Variants in UCP3 observed in about 807,000 individuals in gnomAD.
The protein encoded by UCP3 is uncoupling protein 3, also known as putative mitochondrial transporter UCP3.
In UCP3, 24 loss-of-function variants were observed where a neutral mutation model predicts 28.1. The ratio of observed to expected loss-of-function variants is 0.85; its 90% CI spans 0.62 to 1.20. The LOEUF is 1.20. UCP3 is among the 50% of genes most tolerant of loss of function. The pLI is 0.00. For missense variants in UCP3, 397 were observed against 422.2 expected, an observed-to-expected ratio of 0.94 and a Z score of 0.52; for synonymous variants, 184 against 171.2, an observed-to-expected ratio of 1.07 and a Z score of -0.59.
At chr11:74,005,309 G>A (rs1951654401) in intron 4 of UCP3, among the ~76,000 whole-genome samples, 2 of 152,050 alleles carry the variant, frequency 1.3e-5, no homozygotes, top group South Asian at 2.1e-4. Context: ...CTGCTTGAGG[G>A]CCCCTCCCCT....
intron 4 of UCP3, 82 bp downstream of exon 4, chr11:74,005,648 C>T: frequency 6.7e-7 from 1 of 1,501,032 alleles, no homozygotes. Flanking sequence ...CTGGGAGTCC[C>T]CTCCTTACTG....
rs1253614797 is a variant in UCP3 at position 74,006,320 on chromosome 11, C to G, written c.186G>C (p.Leu62=). Reference sequence around the variant, plus strand: ...TCCGCACCATGGTCAGGATGGTGCCCAGCACGCCACGGTACTGCACGAGCC... The same window carrying G: ...TCCGCACCATGGTCAGGATGGTGCCGAGCACGCCACGGTACTGCACGAGCC... ...TARLVQYRGV[L]GTILTMVRTE... is the part of the protein sequence containing the mutation. Residue 62 remains leucine, a synonymous_variant, in exon 3 of 7, where the codon CTG becomes CTC. Coordinates refer to ENST00000314032, the MANE Select transcript of UCP3 (RefSeq NM_003356.4). 7 of 1,606,862 alleles carry G rather than the reference C, an allele frequency of 4.4e-6. No individual in the cohort carries two copies. The highest frequency in any genetic ancestry group is 1.7e-5 in the Admixed American group (1 of 59,728).
At chr11:74,008,194 C>T (rs562058775) in intron 1 of UCP3, among the ~76,000 whole-genome samples, 2 of 152,178 alleles carry the variant, frequency 1.3e-5, no homozygotes, top group Non-Finnish European at 2.9e-5. Flanking sequence ...TTGGTGCCCA[C>T]GTTTGTCTGA....
intron 4 of UCP3, among the ~76,000 whole-genome samples, chr11:74,005,414 G>A (rs1160546998): frequency 6.6e-6 from 1 of 152,112 alleles, no homozygotes; most frequent in Non-Finnish European, 1.5e-5. Flanking sequence ...CCACCTCTGG[G>A]GCAACCCCTA....
Position 74,003,581 on chromosome 11 carries a change from T to C in UCP3, c.824+246A>G, listed in dbSNP as rs568114002. The C allele has an allele frequency of 2.4e-6, 3 of 1,237,756 alleles. No homozygotes were observed. In the South Asian group the frequency reaches 7.2e-5, roughly 30 times the overall value. 76.7% of individuals were successfully genotyped at this position (1,237,756 alleles called of 1,614,324 possible). A position where few individuals can be genotyped will look rare whatever the true frequency, so the allele number is the denominator to read the frequency against. ...AGGTCTCAGGATTGCTAACTTCCTCTGGAGACAGGCAGTACTTTTACCTAT... is the reference window on the plus strand; with the variant it reads ...AGGTCTCAGGATTGCTAACTTCCTCCGGAGACAGGCAGTACTTTTACCTAT... On this transcript the variant is annotated intron_variant, in intron 6 of 6. Coordinates refer to ENST00000314032, the MANE Select transcript of UCP3 (RefSeq NM_003356.4).
At chr11:74,005,694 T>G in intron 4 of UCP3, 36 bp downstream of exon 4, 3 of 1,612,236 alleles carry the variant, frequency 1.9e-6, no homozygotes, top group Non-Finnish European at 2.5e-6. Context: ...GGGAAAGCTC[T>G]GCCTAAGACC....
chr11:74,000,369 T>C lies in UCP3; in HGVS notation c.*1043A>G, dbSNP rs1191891723. 6.7e-6 allele frequency: 1 copy of C among 148,870 alleles called. No homozygotes were observed. Among genetic ancestry groups the C allele is most frequent in the Non-Finnish European group, 1.5e-5 (1 of 67,148 alleles). The allele number at this position is 148,870 out of a possible 1,614,324, so 9.2% of individuals were successfully genotyped here. A position where few individuals can be genotyped will look rare whatever the true frequency, so the allele number is the denominator to read the frequency against. On this transcript the variant is annotated 3_prime_UTR_variant, in exon 7 of 7. Coordinates refer to ENST00000314032, the MANE Select transcript of UCP3 (RefSeq NM_003356.4). Reference sequence around the variant, plus strand: ...TCCGAGTCCTGCTACTTTAGGTTCTTGCCCAGGAATCCACCTCTTTTCCCC... The same window carrying C: ...TCCGAGTCCTGCTACTTTAGGTTCTCGCCCAGGAATCCACCTCTTTTCCCC...
At chr11:74,004,974 C>G (rs997356618) in intron 4 of UCP3, among the ~76,000 whole-genome samples, 3 of 152,222 alleles carry the variant, frequency 2.0e-5, no homozygotes, top group Admixed American at 6.5e-5. Context: ...GTGGTGCCAG[C>G]AGGGCCCTAG....
At chr11:74,002,699 G>GT in intron 6 of UCP3, 1 of 960,196 alleles carries the variant, frequency 1.0e-6, no homozygotes, top group Non-Finnish European at 1.2e-6. Context: ...AGTGAAAGCA[G>GT]TAACTGAGAC....
intron 1 of UCP3, among the ~76,000 whole-genome samples, 173 bp downstream of exon 1, chr11:74,008,805 C>T (rs1294476355): frequency 6.6e-6 from 1 of 152,200 alleles, no homozygotes; most frequent in Non-Finnish European, 1.5e-5. Flanking sequence ...ATCAAGGCCA[C>T]AGCTCCCTTT....
At chr11:74,006,453 G>GGGGCTGGGCCTGCCT (rs1246730995) in intron 2 of UCP3, 74 bp from the exon 3 acceptor site, 9 of 1,421,330 alleles carry the variant, frequency 6.3e-6, no homozygotes, top group South Asian at 2.9e-5. Flanking sequence ...GAACCCTGCT[G>GGGGCTGGGCCTGCCT]GGGCTGGGCC....
chr11:74,001,719 G>T, intron 6 of UCP3, 193 bp from the exon 7 acceptor site: 1 of 577,610 alleles, frequency 1.7e-6, no homozygotes. Context: ...GTCGGAGTAA[G>T]GAAAAGAAAA....
chr11:74,006,411 G>C (rs1406820134), intron 2 of UCP3, 32 bp from the exon 3 acceptor site: 1 of 1,507,126 alleles, frequency 6.6e-7, no homozygotes, highest in East Asian at 2.3e-5. Flanking sequence ...TGAGGACTCA[G>C]ATGGGAAGGC....
Position 74,006,005 on chromosome 11 carries a change from G to A in UCP3, c.338-72C>T, listed in dbSNP as rs557376645. The A allele has an allele frequency of 1.8e-5, 28 of 1,582,612 alleles. No homozygotes were observed. In the East Asian group the frequency reaches 6.4e-4, roughly 36 times the overall value. ...TTCTGGGACATGCTGTTCTCTGCGGGGCTGCCCCTGCAGCTTCCTTGATGT... is the reference window on the plus strand; with the variant it reads ...TTCTGGGACATGCTGTTCTCTGCGGAGCTGCCCCTGCAGCTTCCTTGATGT... On this transcript the variant is annotated intron_variant, in intron 3 of 6. Coordinates refer to ENST00000314032, the MANE Select transcript of UCP3 (RefSeq NM_003356.4).
At chr11:74,005,478 C>T (rs76833611) in intron 4 of UCP3, among the ~76,000 whole-genome samples, 2,426 of 152,316 alleles carry the variant, frequency 0.016, 36 homozygotes, top group Middle Eastern at 0.027. Flanking sequence ...GTCCTCATGC[C>T]CTGGGCGTGT....
At chr11:74,006,421 C>G (rs1156820479) in intron 2 of UCP3, 42 bp from the exon 3 acceptor site, 12 of 1,486,502 alleles carry the variant, frequency 8.1e-6, no homozygotes, top group Non-Finnish European at 1.1e-5. Flanking sequence ...GATGGGAAGG[C>G]AAGAAGGGGC....
chr11:74,006,379 T>C lies in UCP3; in HGVS notation c.127A>G (p.Ile43Val). The C allele has an allele frequency of 6.4e-7, 1 of 1,560,002 alleles. No individual in the cohort carries two copies. Among genetic ancestry groups the C allele is most frequent in the Non-Finnish European group, 8.6e-7 (1 of 1,156,732 alleles). ...TGGACCGCCTGGTTCTCCCCCTGGATCTGAGGGACAATAGCAGGGGGTGAG... is the reference window on the plus strand; with the variant it reads ...TGGACCGCCTGGTTCTCCCCCTGGACCTGAGGGACAATAGCAGGGGGTGAG... ...PLDTAKVRLQIQGENQAVQTA... is the reference protein window; with the variant it reads ...PLDTAKVRLQVQGENQAVQTA... Residue 43 changes from isoleucine (I) to valine (V), a missense_variant and splice_region_variant, in exon 3 of 7, where the codon ATC becomes GTC. By Grantham distance (29) the Ile-to-Val change is conservative. Transcript: ENST00000314032.
At position 74,001,410 on chromosome 11, in the gene UCP3, G is replaced by A; in HGVS notation, c.*2C>T. On this transcript the variant is annotated 3_prime_UTR_variant, in exon 7 of 7. Coordinates refer to ENST00000314032, the MANE Select transcript of UCP3 (RefSeq NM_003356.4). ...TAGCTACCAGTGGCCTTCTTGTCTT[G>A]TTCAAAACGGTGATTCCCGTAACAT... 6.2e-7 allele frequency: 1 copy of A among 1,614,074 alleles called. No homozygotes were observed. Among genetic ancestry groups the A allele is most frequent in the Non-Finnish European group, 8.5e-7 (1 of 1,179,988 alleles).
intron 1 of UCP3, among the ~76,000 whole-genome samples, chr11:74,008,308 GCCC>G (rs1036643095): frequency 2.0e-5 from 3 of 152,120 alleles, no homozygotes; most frequent in African/African-American, 7.2e-5. Flanking sequence ...TCAGCTCTCA[GCCC>G]CAGAGATCCT....
Sources: gnomAD v4.1 joint callset for allele counts (sites outside exome capture counted in the v4.1 genomes callset) on GRCh38, gnomAD v4.1.1 for gene constraint, MANE v1.5 for transcripts, NCBI Gene and HGNC (gene_info 2026-07-23, HGNC 2026-07-21) for gene names.